The following KIF1B variants were observed in gnomAD, a reference collection of about 807,000 sequenced individuals.
KIF1B encodes the protein kinesin-like protein KIF1B.
A neutral mutation model predicts 241.9 loss-of-function variants in KIF1B; 76 were observed. That is an observed-to-expected ratio of 0.31 (90% CI 0.26 to 0.38). The LOEUF is 0.38. KIF1B is among the 10% of genes least tolerant of loss of function. The pLI is 1.00. For missense variants in KIF1B, 1,622 were observed against 2,271.4 expected (o/e 0.71, Z 5.81); for synonymous variants, 750 against 796.7 (o/e 0.94, Z 0.99).
intron 1 of KIF1B, among the ~76,000 whole-genome samples, chr1:10,212,931 TACAC>T (rs1345755989): frequency 1.2e-5 from 1 of 86,498 alleles, no homozygotes; most frequent in Non-Finnish European, 2.2e-5. Context: ...TATATATATA[TACAC>T]ACACACATTT....
At position 10,343,253 on chromosome 1, in the gene KIF1B, A is replaced by C. The variant is rs868389032; in HGVS notation, c.3654A>C (p.Arg1218=). ...ELNSPPQPCR[R]FFPPPMPLSK... ...GCAGTCCGCCTCAGCCGTGCCGCCGATTCTTCCCTCCACCCATGCCACTGT... is the reference window on the plus strand; with the variant it reads ...GCAGTCCGCCTCAGCCGTGCCGCCGCTTCTTCCCTCCACCCATGCCACTGT... The change falls in exon 34 of 49, where the codon CGA becomes CGC. Residue 1218 remains arginine (R), a synonymous_variant. Transcript: ENST00000676179. 1.2e-6 allele frequency: 2 copies of C among 1,614,022 alleles called. No individual in the cohort carries two copies. Among genetic ancestry groups the C allele is most frequent in the African/African-American group, 2.7e-5 (2 of 74,904 alleles).
Position 10,352,616 on chromosome 1 carries a change from T to A in KIF1B, c.3950-15T>A, listed in dbSNP as rs200665976. 25 of 1,603,232 alleles carry A rather than the reference T, an allele frequency of 1.6e-5. No homozygotes were observed. The East Asian group carries it at 2.0e-4, about 13-fold the overall frequency. On this transcript the variant is annotated splice_polypyrimidine_tract_variant and intron_variant, in intron 37 of 48. Transcript: ENST00000676179. ...AAATGTGTCCGTGCTCTGTTTTTTT[T>A]ATCCTTTCTTTTAGGTCGTATTCGG...
chr1:10,306,652 G>T, intron 22 of KIF1B: 1 of 657,412 alleles, frequency 1.5e-6, no homozygotes, highest in Non-Finnish European at 1.9e-6. Flanking sequence ...CCCAGCCCAG[G>T]TTGGAAATGG....
At chr1:10,271,729 C>A (rs1648810737) in intron 8 of KIF1B, 150 bp downstream of exon 8, 1 of 699,980 alleles carries the variant, frequency 1.4e-6, no homozygotes, top group Non-Finnish European at 2.6e-6. Context: ...GTGACAGAGA[C>A]CGTATGGCCC....
intron 1 of KIF1B, among the ~76,000 whole-genome samples, chr1:10,226,933 A>C (rs1333095864): frequency 6.6e-6 from 1 of 151,314 alleles, no homozygotes; most frequent in Non-Finnish European, 1.5e-5. Flanking sequence ...ATGCCACTGC[A>C]CTCCCCAGCC....
rs111663673 is a variant in KIF1B at position 10,376,834 on chromosome 1, A to AACACACACAC, written c.*271_*280dup. 18 of 442,504 alleles carry AACACACACAC rather than the reference A, an allele frequency of 4.1e-5. No individual in the cohort carries two copies. Among genetic ancestry groups the AACACACACAC allele is most frequent in the African/African-American group, 2.7e-4 (13 of 48,800 alleles). The allele number at this position is 442,504 out of a possible 1,614,324, so 27.4% of individuals were successfully genotyped here. ...CTAACAAAAGGAAAAAATGTTTTTA[A>AACACACACAC]ACACACACACACACACACACACACA... On this transcript the variant is annotated 3_prime_UTR_variant, in exon 49 of 49. Coordinates refer to ENST00000676179, the MANE Select transcript of KIF1B (RefSeq NM_001365951.3).
rs193196888 is a variant in KIF1B at position 10,214,958 on chromosome 1, A to G, written c.-80+4080A>G. Among the ~76,000 whole-genome samples the G allele has an allele frequency of 2.0e-3, 306 of 151,534 alleles. 2 individuals are homozygous for G. Among genetic ancestry groups the G allele is most frequent in the East Asian group, 9.3e-3 (48 of 5,156 alleles). On this transcript the variant is annotated intron_variant, in intron 1 of 48. Transcript: ENST00000676179. ...TTTTAGTACAATTTAGTATCCTGAT[A>G]TGGTTTCCGTGATTTCCAGTCAGAG...
At chr1:10,327,587 T>G (rs953367161) in intron 27 of KIF1B, among the ~76,000 whole-genome samples, 2 of 152,128 alleles carry the variant, frequency 1.3e-5, no homozygotes, top group Non-Finnish European at 2.9e-5. Flanking sequence ...TGAGGCATTG[T>G]CTCTGGCTCT....
intron 33 of KIF1B, among the ~76,000 whole-genome samples, chr1:10,342,606 TAGAG>T (rs1652439414): frequency 6.6e-6 from 1 of 152,288 alleles, no homozygotes; most frequent in East Asian, 1.9e-4. Context: ...AGCTAAGACT[TAGAG>T]GGAGACATTT....
chr1:10,350,668 T>G, intron 37 of KIF1B, among the ~76,000 whole-genome samples: 1 of 152,248 alleles, frequency 6.6e-6, no homozygotes, highest in Admixed American at 6.5e-5. Context: ...GTTTATTGCC[T>G]TCCTTTGTGA....
chr1:10,320,074 A>C lies in KIF1B; in HGVS notation c.2147A>C (p.Lys716Thr). 1 of 1,613,826 alleles carries C rather than the reference A, an allele frequency of 6.2e-7. No individual in the cohort carries two copies. The highest frequency in any genetic ancestry group is 8.5e-7 in the Non-Finnish European group (1 of 1,179,756). The change falls in exon 23 of 49, where the codon AAG (lysine) becomes ACG (threonine). Residue 716 changes from lysine to threonine, a missense_variant. Coordinates refer to ENST00000676179, the MANE Select transcript of KIF1B (RefSeq NM_001365951.3). ...GAGAGTAAATTGCAGGCCTTGCAGA[A>C]GCAGGTTGAAACCCGATCTCTGGCT... ...DYESKLQALQ[K>T]QVETRSLAAE...
At chr1:10,263,036 C>A (rs1324708184) in intron 5 of KIF1B, among the ~76,000 whole-genome samples, 2 of 152,096 alleles carry the variant, frequency 1.3e-5, no homozygotes, top group African/African-American at 2.4e-5. Context: ...TACCTGTAAT[C>A]CCAGCACTTC....
At chr1:10,280,428 G>A (rs1649352319) in intron 14 of KIF1B, among the ~76,000 whole-genome samples, 1 of 151,914 alleles carries the variant, frequency 6.6e-6, no homozygotes, top group African/African-American at 2.4e-5. Context: ...TAGAGATGGG[G>A]TTTCATCATG....
chr1:10,220,563 C>T (rs1646831942), intron 1 of KIF1B, among the ~76,000 whole-genome samples: 1 of 152,072 alleles, frequency 6.6e-6, no homozygotes, highest in Non-Finnish European at 1.5e-5. Context: ...CCAGCTACTC[C>T]TGAGGCTGAG....
intron 37 of KIF1B, among the ~76,000 whole-genome samples, chr1:10,350,413 A>G (rs1013268684): frequency 9.9e-5 from 15 of 151,914 alleles, no homozygotes; most frequent in African/African-American, 3.4e-4. Flanking sequence ...CAAAAAAATT[A>G]GCCAGGCGTG....
intron 2 of KIF1B, among the ~76,000 whole-genome samples, chr1:10,251,631 G>A (rs182161766): frequency 2.0e-4 from 31 of 152,018 alleles, no homozygotes; most frequent in African/African-American, 7.5e-4. Flanking sequence ...ATACGTGGCA[G>A]GCTGAGGCAG....
chr1:10,332,985 T>C (rs1038357298), intron 27 of KIF1B, among the ~76,000 whole-genome samples: 1 of 151,436 alleles, frequency 6.6e-6, no homozygotes, highest in Non-Finnish European at 1.5e-5. Flanking sequence ...CTGATTTTTA[T>C]ATTTTTAGTA....
intron 2 of KIF1B, among the ~76,000 whole-genome samples, chr1:10,249,991 TG>T (rs146425575): frequency 0.13 from 19,998 of 152,174 alleles, 1,425 homozygotes; most frequent in South Asian, 0.18. Flanking sequence ...TTTTATTTTT[TG>T]TGGAGATGGG....
At chr1:10,254,828 G>A (rs1647675386) in intron 2 of KIF1B, among the ~76,000 whole-genome samples, 1 of 126,734 alleles carries the variant, frequency 7.9e-6, no homozygotes, top group Admixed American at 9.7e-5. Flanking sequence ...AGTGAGCCGA[G>A]ATCGTGCCAC....
Sources: allele counts gnomAD v4.1 joint callset (sites outside exome capture counted in the v4.1 genomes callset), GRCh38; gene constraint gnomAD v4.1.1; transcripts MANE v1.5; gene names NCBI Gene and HGNC (gene_info 2026-07-23, HGNC 2026-07-21).